ITGA2: variants seen among roughly 807,000 people sequenced by gnomAD.
ITGA2 encodes the protein integrin subunit alpha 2.
In ITGA2, 101 loss-of-function variants were observed where a neutral mutation model predicts 146.3. The observed-to-expected ratio is 0.69, with a 90% CI of 0.59 to 0.81. The LOEUF (loss-of-function observed/expected upper bound fraction) is 0.81. Ranked by LOEUF, ITGA2 falls within the 40% of genes least tolerant of loss-of-function variation. The pLI, the probability that ITGA2 is intolerant of heterozygous loss-of-function variation, is 0.00. For synonymous variants in ITGA2, 477 were observed against 487.1 expected, an observed-to-expected ratio of 0.98 and a Z score of 0.27; for missense variants, 1,281 against 1,402.7, an observed-to-expected ratio of 0.91 and a Z score of 1.39.
intron 1 of ITGA2, among the ~76,000 whole-genome samples, chr5:53,002,827 T>G (rs894016810): frequency 2.6e-5 from 4 of 152,234 alleles, no homozygotes; most frequent in African/African-American, 9.6e-5. Flanking sequence ...CATTAGATTT[T>G]CATTTACTTC....
chr5:53,076,632 T>C (rs1056950210), intron 23 of ITGA2, among the ~76,000 whole-genome samples: 2 of 152,082 alleles, frequency 1.3e-5, no homozygotes, highest in Non-Finnish European at 2.9e-5. Context: ...TTCTTCTAAA[T>C]ATTTTTTGTC....
intron 1 of ITGA2, 45 bp downstream of exon 1, chr5:52,989,577 G>C (rs1320234023): frequency 6.2e-7 from 1 of 1,607,500 alleles, no homozygotes; most frequent in Non-Finnish European, 8.5e-7. Context: ...AGGGACCCGC[G>C]CGGCTTCCTG....
chr5:53,052,161 C>T (rs1001364454), intron 7 of ITGA2, among the ~76,000 whole-genome samples: 4 of 151,950 alleles, frequency 2.6e-5, no homozygotes, highest in Non-Finnish European at 1.5e-5. Flanking sequence ...ACATAGTATA[C>T]ACATGCCATG....
chr5:53,059,812 C>A (rs1579868722), intron 10 of ITGA2, 62 bp from the exon 11 acceptor site: 1 of 1,481,816 alleles, frequency 6.7e-7, no homozygotes, highest in East Asian at 2.3e-5. Flanking sequence ...TTTTGCCTAC[C>A]CTGCATTCTT....
intron 2 of ITGA2, among the ~76,000 whole-genome samples, chr5:53,038,633 T>C (rs1743618540): frequency 6.6e-6 from 1 of 152,178 alleles, no homozygotes; most frequent in African/African-American, 2.4e-5. Context: ...ATCTGGGCCC[T>C]CTGCCAGGAC....
At chr5:53,000,527 G>T (rs929966736) in intron 1 of ITGA2, among the ~76,000 whole-genome samples, 2 of 152,050 alleles carry the variant, frequency 1.3e-5, no homozygotes, top group African/African-American at 4.8e-5. Flanking sequence ...CCCTCCATAT[G>T]TCTGCCTACA....
rs534660610 is a variant in ITGA2 at position 53,045,672 on chromosome 5, T to TA, written c.387+587dup. Among the ~76,000 whole-genome samples, 611 of 151,512 alleles carry TA rather than the reference T, an allele frequency of 4.0e-3. 2 individuals are homozygous for TA. Among genetic ancestry groups the TA allele is most frequent in the South Asian group, 6.9e-3 (33 of 4,800 alleles). On this transcript the variant is annotated intron_variant, in intron 4 of 29. Coordinates refer to ENST00000296585, the MANE Select transcript of ITGA2 (RefSeq NM_002203.4). ...CTGTCAAGTGAATTGAAAGTTAATATAAAAAAACTAGAAAAAAATGGAAAT... is the reference window on the plus strand; with the variant it reads ...CTGTCAAGTGAATTGAAAGTTAATATAAAAAAAACTAGAAAAAAATGGAAAT...
At position 53,051,544 on chromosome 5, in the gene ITGA2, C is replaced by A. The variant is rs756675258; in HGVS notation, c.764C>A (p.Ala255Glu). Residue 255 changes from alanine to glutamate, a missense_variant, in exon 7 of 30, where the codon GCA becomes GAA. Physicochemically the swap from Ala to Glu is moderately radical, Grantham distance 107. Coordinates refer to ENST00000296585, the MANE Select transcript of ITGA2 (RefSeq NM_002203.4). ...YGGDLTNTFG[A>E]IQYARKYAYS... ...GGGGACCTCACAAACACATTCGGAG[C>A]AATTCAATATGCAAGGTAAGTTTTG... The A allele has an allele frequency of 1.2e-6, 2 of 1,613,102 alleles. No individual in the cohort carries two copies. The highest frequency in any genetic ancestry group is 1.1e-5 in the South Asian group (1 of 91,064).
rs1745130162 is a variant in ITGA2 at position 53,065,962 on chromosome 5, A to G, written c.1928A>G (p.Gln643Arg). The G allele has an allele frequency of 6.2e-7, 1 of 1,611,974 alleles. No homozygotes were observed. The highest frequency in any genetic ancestry group is 8.5e-7 in the Non-Finnish European group (1 of 1,178,610). Reference protein sequence around the residue: ...ITDVSIGAFGQVVQLWSQSIA... With the variant: ...ITDVSIGAFGRVVQLWSQSIA... The stretch of plus-strand genomic sequence containing the variant: ...GATGTGTCTATTGGTGCCTTTGGAC[A>G]AGTGGTTCAACTCTGGTGAGTCAGG... The change falls in exon 15 of 30, where the codon CAA (glutamine) becomes CGA (arginine). Residue 643 changes from glutamine to arginine, a missense_variant. Transcript: ENST00000296585.
At chr5:53,000,897 GTTTTTTTTTTT>G (rs369482288) in intron 1 of ITGA2, among the ~76,000 whole-genome samples, 1 of 97,226 alleles carries the variant, frequency 1.0e-5, no homozygotes, top group South Asian at 3.6e-4. Context: ...TTTTCTTTTT[GTTTTTTTTTTT>G]TTTTTTTTTT....
intron 14 of ITGA2, 132 bp from the exon 15 acceptor site, chr5:53,065,708 CT>C: frequency 8.5e-7 from 1 of 1,179,562 alleles, no homozygotes; most frequent in Non-Finnish European, 1.2e-6. Context: ...AAAAATGAAT[CT>C]TTAGAATTTG....
chr5:53,013,921 T>A (rs907520180), intron 1 of ITGA2, among the ~76,000 whole-genome samples: 3 of 152,140 alleles, frequency 2.0e-5, no homozygotes, highest in African/African-American at 7.2e-5. Flanking sequence ...TATTGGTGTA[T>A]AGGAATGCTA....
intron 8 of ITGA2, 124 bp from the exon 9 acceptor site, chr5:53,055,860 G>A (rs893388525): frequency 2.4e-5 from 30 of 1,249,610 alleles, no homozygotes; most frequent in Non-Finnish European, 3.1e-5. Flanking sequence ...TAAATAAAGG[G>A]TTATGGAAAT....
At chr5:52,991,388 T>C (rs1398459132) in intron 1 of ITGA2, among the ~76,000 whole-genome samples, 3 of 152,166 alleles carry the variant, frequency 2.0e-5, no homozygotes, top group Non-Finnish European at 4.4e-5. Flanking sequence ...CATTACCCTA[T>C]CTGTATAAAA....
rs985546474 is a variant in ITGA2 at position 53,073,136 on chromosome 5, C to G, written c.2448C>G (p.Val816=). The G allele has an allele frequency of 1.9e-6, 3 of 1,612,006 alleles. No individual in the cohort carries two copies. Among genetic ancestry groups the G allele is most frequent in the Admixed American group, 1.7e-5 (1 of 59,836 alleles). ...IPAAQEQPFI[V]SNQNKRLTFS... is the part of the protein sequence containing the mutation. ...TTAACAGAGAACAACCCTTTATTGT[C>G]AGCAACCAAAACAAAAGGTTAACAT... Residue 816 remains valine (V), a synonymous_variant, in exon 20 of 30, where the codon GTC becomes GTG. Coordinates refer to ENST00000296585, the MANE Select transcript of ITGA2 (RefSeq NM_002203.4).
chr5:52,994,663 A>G (rs987939850), intron 1 of ITGA2, among the ~76,000 whole-genome samples: 13 of 152,204 alleles, frequency 8.5e-5, no homozygotes, highest in African/African-American at 2.9e-4. Flanking sequence ...ATGGACTTTG[A>G]TGTTGTCTTT....
At chr5:53,013,887 T>C (rs1742275241) in intron 1 of ITGA2, among the ~76,000 whole-genome samples, 1 of 152,130 alleles carries the variant, frequency 6.6e-6, no homozygotes, top group Non-Finnish European at 1.5e-5. Context: ...ATTATTTTCT[T>C]GTTTTGGCCC....
At chr5:53,034,951 T>C (rs978913503) in intron 2 of ITGA2, among the ~76,000 whole-genome samples, 1 of 152,240 alleles carries the variant, frequency 6.6e-6, no homozygotes, top group Non-Finnish European at 1.5e-5. Flanking sequence ...AGGTTTTGCT[T>C]TCACTTAGAC....
At chr5:53,058,837 G>C (rs1398419095) in intron 10 of ITGA2, among the ~76,000 whole-genome samples, 2 of 151,904 alleles carry the variant, frequency 1.3e-5, no homozygotes, top group African/African-American at 4.8e-5. Flanking sequence ...GATGCTCATA[G>C]AAGTTATGGA....
Sources: gnomAD v4.1 joint callset for allele counts (sites outside exome capture counted in the v4.1 genomes callset) on GRCh38, gnomAD v4.1.1 for gene constraint, MANE v1.5 for transcripts, NCBI Gene and HGNC (gene_info 2026-07-23, HGNC 2026-07-21) for gene names.